The following RAB44 variants were observed in gnomAD, a reference collection of about 807,000 sequenced individuals.
The protein encoded by RAB44 is ras-related protein Rab-44.
RAB44 carries 67 observed loss-of-function variants against 93.3 expected under a neutral mutation model. The ratio of observed to expected loss-of-function variants is 0.72; its 90% confidence interval spans 0.59 to 0.88. RAB44 has a LOEUF of 0.88. Among genes scored for constraint, RAB44 ranks in the 40% least tolerant of loss-of-function variants. The pLI is 0.00. For missense variants in RAB44, 1,064 were observed against 1,261.7 expected, an observed-to-expected ratio of 0.84 and a Z score of 2.37; for synonymous variants, 427 against 520.3, an observed-to-expected ratio of 0.82 and a Z score of 2.44.
intron 1 of RAB44, 22 bp from the exon 2 acceptor site, chr6:36,704,202 C>T: frequency 1.5e-5 from 23 of 1,516,744 alleles, no homozygotes; most frequent in Non-Finnish European, 1.9e-5. Context: ...CAGCCCGGTG[C>T]CCCTCACTCC....
Position 36,733,115 on chromosome 6 carries a change from A to G in RAB44, c.*1022A>G, listed in dbSNP as rs1763396094. 1 of 152,194 alleles carries G rather than the reference A, an allele frequency of 6.6e-6. No homozygotes were observed. Among genetic ancestry groups the G allele is most frequent in the South Asian group, 2.1e-4 (1 of 4,836 alleles). 9.4% of individuals were successfully genotyped at this position (152,194 alleles called of 1,614,324 possible). On this transcript the variant is annotated 3_prime_UTR_variant, in exon 14 of 14. Transcript: ENST00000612677. ...GCTTTAGAGTCTTGGAGAGACGGCC[A>G]TGGTCTTCGTTTGTATGTCTGTCAC...
intron 2 of RAB44, among the ~76,000 whole-genome samples, chr6:36,713,231 T>C (rs1292423584): frequency 6.6e-6 from 1 of 152,228 alleles, no homozygotes; most frequent in African/African-American, 2.4e-5. Context: ...GTTTCACTCT[T>C]GTCACCCAGG....
chr6:36,715,720 G>A, intron 4 of RAB44, 67 bp downstream of exon 4: 1 of 1,491,598 alleles, frequency 6.7e-7, no homozygotes, highest in Non-Finnish European at 9.0e-7. Flanking sequence ...GGCTTTCCTG[G>A]ACACAGCAGG....
In RAB44 at chr6:36,721,886, G is replaced by A. The variant is rs1265373674; in HGVS notation, c.1752G>A (p.Arg584=). The change falls in exon 9 of 14, where the codon AGG becomes AGA. Residue 584 remains arginine, a synonymous_variant. Transcript: ENST00000612677. ...LTGVGPAKPP[R]QRDALQQDLH... is the part of the protein sequence containing the mutation. ...GAGTGGGCCCAGCCAAGCCGCCCAG[G>A]CAGAGAGATGCCCTCCAGCAGGACC... 2.4e-6 allele frequency: 3 copies of A among 1,235,086 alleles called. No individual in the cohort carries two copies. Among genetic ancestry groups the A allele is most frequent in the African/African-American group, 1.6e-5 (1 of 64,508 alleles). The allele number at this position is 1,235,086 out of a possible 1,614,324, so 76.5% of individuals were successfully genotyped here.
At chr6:36,725,802 C>A in intron 9 of RAB44, 60 bp from the exon 10 acceptor site, 1 of 1,201,016 alleles carries the variant, frequency 8.3e-7, no homozygotes. Flanking sequence ...CTGGGGTAGG[C>A]CTTGGCTAGG....
At chr6:36,718,351 A>T (rs1762979775) in intron 6 of RAB44, 142 bp from the exon 7 acceptor site, 1 of 456,240 alleles carries the variant, frequency 2.2e-6, no homozygotes. Flanking sequence ...CTGGAACTGG[A>T]GGAGTTGTCC....
At chr6:36,708,579 A>T (rs1429404407) in intron 2 of RAB44, among the ~76,000 whole-genome samples, 1 of 152,220 alleles carries the variant, frequency 6.6e-6, no homozygotes, top group Non-Finnish European at 1.5e-5. Flanking sequence ...TATTTAATCG[A>T]AGTAATAATA....
In RAB44 at chr6:36,722,625, G is replaced by A; in HGVS notation, c.2491G>A (p.Asp831Asn). Residue 831 changes from aspartate (D) to asparagine (N), a missense_variant, in exon 9 of 14, where the codon GAT becomes AAT. Asp to Asn is a conservative substitution (Grantham distance 23). Coordinates refer to ENST00000612677, the MANE Select transcript of RAB44 (RefSeq NM_001257357.2). ...MAGGGPQANP[D>N]YLFHVIFLGD... ...TGGAGGGGGACCCCAGGCCAACCCT[G>A]ATTACCTCTTCCATGTCATCTTTCT... The A allele has an allele frequency of 1.3e-6, 2 of 1,550,656 alleles. No individual in the cohort carries two copies. The highest frequency in any genetic ancestry group is 1.7e-6 in the Non-Finnish European group (2 of 1,147,002).
chr6:36,719,677 G>GTCAAA (rs1241321035), intron 7 of RAB44, among the ~76,000 whole-genome samples: 1 of 152,226 alleles, frequency 6.6e-6, no homozygotes, highest in Non-Finnish European at 1.5e-5. Context: ...AGTTGAGAAG[G>GTCAAA]GAGTCAAGGA....
At chr6:36,703,402 T>A (rs1762559704) in intron 1 of RAB44, among the ~76,000 whole-genome samples, 1 of 151,984 alleles carries the variant, frequency 6.6e-6, no homozygotes, top group Non-Finnish European at 1.5e-5. Context: ...AATGCAGGGG[T>A]GACTGCAGGG....
intron 1 of RAB44, among the ~76,000 whole-genome samples, chr6:36,701,532 G>A (rs1300563674): frequency 6.6e-6 from 1 of 152,066 alleles, no homozygotes; most frequent in Admixed American, 6.6e-5. Context: ...GCACTATGAG[G>A]GCATCAGGGT....
At position 36,717,244 on chromosome 6, in the gene RAB44, C is replaced by A; in HGVS notation, c.495-29C>A. ...TCCATCCCACCTTGTGTCTGACCCT[C>A]CCATCTCTGGCTGTCTTCCCCTCCC... On this transcript the variant is annotated intron_variant, in intron 4 of 13. Coordinates refer to ENST00000612677, the MANE Select transcript of RAB44 (RefSeq NM_001257357.2). The surrounding 1 kb of genome is among the most constrained non-coding windows in gnomAD (Gnocchi z 4.1). 8.1e-6 allele frequency: 10 copies of A among 1,232,110 alleles called. No homozygotes were observed. Among genetic ancestry groups the A allele is most frequent in the Non-Finnish European group, 1.0e-5 (10 of 987,972 alleles). 76.3% of individuals were successfully genotyped at this position (1,232,110 alleles called of 1,614,324 possible).
At chr6:36,724,358 A>T (rs1422317968) in intron 9 of RAB44, among the ~76,000 whole-genome samples, 1 of 151,760 alleles carries the variant, frequency 6.6e-6, no homozygotes, top group Non-Finnish European at 1.5e-5. Flanking sequence ...AGTAGAGATG[A>T]AGTTTCACCA....
chr6:36,721,430 A>C lies in RAB44; in HGVS notation c.1296A>C (p.Pro432=). ...CATCTTCAGATCCAGATGGGGCTCC[A>C]AGGACCCCACCTGGGGTGACTTTCA... The part of the protein sequence containing the change: ...QEPSSDPDGA[P]RTPPGVTFSA... The change falls in exon 9 of 14, where the codon CCA becomes CCC. Residue 432 remains proline, a synonymous_variant. Coordinates refer to ENST00000612677, the MANE Select transcript of RAB44 (RefSeq NM_001257357.2). 1 of 1,234,362 alleles carries C rather than the reference A, an allele frequency of 8.1e-7. No homozygotes were observed. The highest frequency in any genetic ancestry group is 1.0e-6 in the Non-Finnish European group (1 of 988,236). 76.5% of individuals were successfully genotyped at this position (1,234,362 alleles called of 1,614,324 possible).
intron 2 of RAB44, among the ~76,000 whole-genome samples, chr6:36,706,975 G>A (rs1762665075): frequency 6.6e-6 from 1 of 152,112 alleles, no homozygotes; most frequent in South Asian, 2.1e-4. Context: ...TGAATTGTGA[G>A]GGGGTCAGTG....
intron 12 of RAB44, among the ~76,000 whole-genome samples, chr6:36,729,762 C>T (rs953255786): frequency 1.3e-5 from 2 of 152,200 alleles, no homozygotes; most frequent in East Asian, 1.9e-4. Context: ...GGATTACAGG[C>T]GTGAGCCACC....
intron 3 of RAB44, among the ~76,000 whole-genome samples, chr6:36,714,209 G>A (rs754173873): frequency 1.6e-4 from 25 of 152,206 alleles, no homozygotes; most frequent in Admixed American, 3.3e-4. Context: ...ATTTGTTTCC[G>A]CCTGAGGAGA....
chr6:36,721,581 GGT>G lies in RAB44; in HGVS notation c.1448_1449del (p.Gly483AlafsTer46). On this transcript the variant is annotated frameshift_variant, in exon 9 of 14. Coordinates refer to ENST00000612677, the MANE Select transcript of RAB44 (RefSeq NM_001257357.2). LOFTEE classifies it high-confidence loss of function. Reference sequence around the variant, plus strand: ...CACACCCGAGGGCCGCCTCCTCTGGGGTCTCTCAGGAAGCCTGGTGGCACCTG... The same window carrying G: ...CACACCCGAGGGCCGCCTCCTCTGGGCTCTCAGGAAGCCTGGTGGCACCTG... ...GSTPEGRLLWGLSGSLVAPAF... is the reference protein window; with the variant it reads ...GSTPEGRLLWXLSGSLVAPAF... The G allele has an allele frequency of 8.9e-6, 11 of 1,234,512 alleles. No homozygotes were observed. The highest frequency in any genetic ancestry group is 1.1e-5 in the Non-Finnish European group (11 of 988,352). The allele number at this position is 1,234,512 out of a possible 1,614,324, so 76.5% of individuals were successfully genotyped here. A position where few individuals can be genotyped will look rare whatever the true frequency, so the allele number is the denominator to read the frequency against.
chr6:36,714,172 C>T (rs567555704), intron 3 of RAB44, among the ~76,000 whole-genome samples: 1 of 152,354 alleles, frequency 6.6e-6, no homozygotes, highest in South Asian at 2.1e-4. Context: ...AAAGGCTTCT[C>T]CTGAGCCAGA....
Sources: allele counts gnomAD v4.1 joint callset (sites outside exome capture counted in the v4.1 genomes callset), GRCh38; gene constraint gnomAD v4.1.1; non-coding constraint Gnocchi (gnomAD v3.1); transcripts MANE v1.5; gene names NCBI Gene and HGNC (gene_info 2026-07-23, HGNC 2026-07-21).